The following CDC42SE2 variants were observed in gnomAD, a reference collection of about 807,000 sequenced individuals.
The protein encoded by CDC42SE2 is CDC42 small effector 2, also known as CDC42 small effector protein 2.
Under a neutral mutation model 11.5 loss-of-function variants are expected in CDC42SE2, and 3 were observed. That is an observed-to-expected ratio of 0.26 (90% CI 0.12 to 0.67). The LOEUF (loss-of-function observed/expected upper bound fraction) is 0.67, where lower values mean the gene tolerates loss of function less well. Ranked by LOEUF, CDC42SE2 falls within the 30% of genes least tolerant of loss-of-function variation. The probability of loss-of-function intolerance (pLI) is 0.80; values close to 1 mark genes in which losing one functional copy is unlikely to be tolerated. For synonymous variants in CDC42SE2, 33 were observed against 34.8 expected, an observed-to-expected ratio of 0.95 and a Z score of 0.18; for missense variants, 82 against 106.8, an observed-to-expected ratio of 0.77 and a Z score of 1.02.
chr5:131,337,167 T>C (rs1023409813), intron 2 of CDC42SE2, among the ~76,000 whole-genome samples: 1 of 152,248 alleles, frequency 6.6e-6, no homozygotes, highest in African/African-American at 2.4e-5. Context: ...CCTTTCTGTT[T>C]GTTAGTTTTC....
chr5:131,360,694 T>C (rs1258122889), intron 3 of CDC42SE2, among the ~76,000 whole-genome samples: 1 of 152,238 alleles, frequency 6.6e-6, no homozygotes, highest in Non-Finnish European at 1.5e-5. Flanking sequence ...GATTGTTGGC[T>C]GGCTGAACAA....
At chr5:131,283,389 A>G (rs748338575) in intron 1 of CDC42SE2, among the ~76,000 whole-genome samples, 2 of 152,082 alleles carry the variant, frequency 1.3e-5, no homozygotes, top group Admixed American at 6.5e-5. Context: ...CTCTTTGGAC[A>G]TTTAATGTAA....
At chr5:131,381,323 T>G (rs200182246) in intron 3 of CDC42SE2, among the ~76,000 whole-genome samples, 16 of 52,946 alleles carry the variant, frequency 3.0e-4, no homozygotes, top group African/African-American at 7.2e-4. Flanking sequence ...TTTTTTTTTG[T>G]TTTTTTTTTT....
chr5:131,386,054 G>GCTTTA (rs1467935597), intron 4 of CDC42SE2, among the ~76,000 whole-genome samples: 8 of 152,036 alleles, frequency 5.3e-5, no homozygotes, highest in African/African-American at 1.9e-4. Flanking sequence ...CATTTTTATT[G>GCTTTA]CTTTACTTTA....
At chr5:131,381,543 G>C (rs1371404274) in intron 3 of CDC42SE2, among the ~76,000 whole-genome samples, 1 of 152,022 alleles carries the variant, frequency 6.6e-6, no homozygotes, top group Admixed American at 6.5e-5. Context: ...GGCTGGTCTC[G>C]AACTCTTGAC....
intron 1 of CDC42SE2, among the ~76,000 whole-genome samples, chr5:131,271,853 C>G (rs1014330186): frequency 5.9e-5 from 9 of 152,244 alleles, no homozygotes; most frequent in African/African-American, 1.9e-4. Flanking sequence ...TACCCCCACA[C>G]CCTTTGTGTC....
chr5:131,259,681 A>T (rs1756707355), upstream of CDC42SE2, among the ~76,000 whole-genome samples: 1 of 152,258 alleles, frequency 6.6e-6, no homozygotes, highest in Non-Finnish European at 1.5e-5. Context: ...GCAGACCTAG[A>T]CACAACTGAG....
intron 2 of CDC42SE2, among the ~76,000 whole-genome samples, chr5:131,347,127 A>C (rs1424768542): frequency 1.3e-5 from 2 of 152,220 alleles, no homozygotes; most frequent in Non-Finnish European, 2.9e-5. Context: ...AGCTAGAAGA[A>C]GGCAAGAAAT....
intron 1 of CDC42SE2, among the ~76,000 whole-genome samples, chr5:131,250,968 GGACA>G (rs763637996): frequency 6.6e-6 from 1 of 152,064 alleles, no homozygotes. Flanking sequence ...TTGGAGGGAC[GGACA>G]GAGAGGGAAG....
chr5:131,341,510 G>A (rs969455494), intron 2 of CDC42SE2, among the ~76,000 whole-genome samples: 1 of 152,144 alleles, frequency 6.6e-6, no homozygotes, highest in Non-Finnish European at 1.5e-5. Context: ...AGGAAGCCAG[G>A]GGAGTATGTG....
intron 3 of CDC42SE2, among the ~76,000 whole-genome samples, chr5:131,380,645 C>G (rs1750294246): frequency 6.6e-6 from 1 of 152,164 alleles, no homozygotes; most frequent in Non-Finnish European, 1.5e-5. Context: ...TCTCAGGAAC[C>G]TTGTAAGGTT....
chr5:131,350,093 A>T lies in CDC42SE2; in HGVS notation c.-285-9116A>T, dbSNP rs566895823. On this transcript the variant is annotated intron_variant, in intron 2 of 4. Coordinates refer to ENST00000505065, the MANE Select transcript of CDC42SE2 (RefSeq NM_001375635.1). ...GTAGATATATTTAAAAAAATCAAAT[A>T]TATTTGTTTAATGTGTACAAGGGCC... Among the ~76,000 whole-genome samples, 146 of 152,194 alleles carry T rather than the reference A, an allele frequency of 9.6e-4. 2 individuals carry two copies. The highest frequency in any genetic ancestry group is 1.4e-3 in the South Asian group (7 of 4,828).
Position 131,376,499 on chromosome 5 carries a change from T to C in CDC42SE2, c.55-9044T>C, listed in dbSNP as rs1750160667. ...AAATATTCAGCTGTTAATCTTTATTTTTTAATTTACCTTTGAGGTTCAGGG... is the reference window on the plus strand; with the variant it reads ...AAATATTCAGCTGTTAATCTTTATTCTTTAATTTACCTTTGAGGTTCAGGG... On this transcript the variant is annotated intron_variant, in intron 3 of 4. Coordinates refer to ENST00000505065, the MANE Select transcript of CDC42SE2 (RefSeq NM_001375635.1). Among the ~76,000 whole-genome samples the C allele has an allele frequency of 2.6e-5, 4 of 152,224 alleles. No homozygotes were observed. In the East Asian group the frequency reaches 7.7e-4, roughly 29 times the overall value.
chr5:131,296,247 G>C (rs989195604), intron 1 of CDC42SE2, among the ~76,000 whole-genome samples: 1 of 152,162 alleles, frequency 6.6e-6, no homozygotes, highest in African/African-American at 2.4e-5. Context: ...TTTTGATTGG[G>C]TAATGGATTA....
chr5:131,249,608 G>C (rs1268255932), intron 1 of CDC42SE2, among the ~76,000 whole-genome samples: 1 of 152,180 alleles, frequency 6.6e-6, no homozygotes, highest in Non-Finnish European at 1.5e-5. Flanking sequence ...TTGATTTGAT[G>C]ACTTTACTGT....
chr5:131,348,448 C>CTCT (rs1255370333), intron 2 of CDC42SE2, among the ~76,000 whole-genome samples: 1 of 152,072 alleles, frequency 6.6e-6, no homozygotes, highest in African/African-American at 2.4e-5. Context: ...TGTGAAGGAC[C>CTCT]TCTTCAAGGA....
At chr5:131,268,054 C>CTTTTTTTTTT (rs148354795) in intron 1 of CDC42SE2, among the ~76,000 whole-genome samples, 3 of 65,474 alleles carry the variant, frequency 4.6e-5, no homozygotes, top group African/African-American at 7.4e-5. Context: ...CATGCTTATT[C>CTTTTTTTTTT]TTTTTTTTTT....
chr5:131,212,973 C>A, the CDC42SE2 span, among the ~76,000 whole-genome samples: 4 of 152,242 alleles, frequency 2.6e-5, no homozygotes, highest in South Asian at 8.3e-4. Context: ...GGTGGATCAC[C>A]TGAGGTCAGG....
intron 1 of CDC42SE2, among the ~76,000 whole-genome samples, chr5:131,282,615 TA>T (rs754342814): frequency 3.3e-5 from 5 of 152,048 alleles, no homozygotes; most frequent in African/African-American, 4.8e-5. Flanking sequence ...ATAATTCACA[TA>T]AAAAATCACC....
Sources: gnomAD v4.1 joint callset for allele counts (sites outside exome capture counted in the v4.1 genomes callset) on GRCh38, gnomAD v4.1.1 for gene constraint, MANE v1.5 for transcripts, NCBI Gene and HGNC (gene_info 2026-07-23, HGNC 2026-07-21) for gene names.